Variants in AFF3 observed in about 807,000 individuals in gnomAD.
AFF3 encodes the protein AF4/FMR2 family member 3.
A neutral mutation model predicts 129.7 loss-of-function variants in AFF3; 32 were observed. The observed-to-expected ratio is 0.25, with a 90% confidence interval of 0.19 to 0.33. The LOEUF (loss-of-function observed/expected upper bound fraction) is 0.33, where lower values mean the gene tolerates loss of function less well. Ranked by LOEUF, AFF3 falls within the 10% of genes least tolerant of loss-of-function variation. The pLI is 1.00. For synonymous variants in AFF3, 644 were observed against 635.4 expected (o/e 1.01, Z -0.20); for missense variants, 1,373 against 1,592.0 (o/e 0.86, Z 2.34).
At chr2:99,555,732 A>G (rs1208912301) in intron 22 of AFF3, among the ~76,000 whole-genome samples, 1 of 152,150 alleles carries the variant, frequency 6.6e-6, no homozygotes, top group East Asian at 1.9e-4. Context: ...TCCAGAGACA[A>G]CATGTTTCTT....
intron 7 of AFF3, among the ~76,000 whole-genome samples, chr2:99,893,160 C>T (rs1289947002): frequency 3.3e-5 from 5 of 152,166 alleles, no homozygotes; most frequent in Non-Finnish European, 7.3e-5. Flanking sequence ...GTCTTTGTTA[C>T]CCATGGCAGG....
At chr2:99,719,363 TA>T (rs2104934711) in intron 11 of AFF3, among the ~76,000 whole-genome samples, 1 of 152,326 alleles carries the variant, frequency 6.6e-6, no homozygotes, top group East Asian at 1.9e-4. Flanking sequence ...ATGTTGTGAA[TA>T]ATTTTTGCAT....
At chr2:99,646,062 T>C (rs1360714427) in intron 13 of AFF3, among the ~76,000 whole-genome samples, 2 of 152,228 alleles carry the variant, frequency 1.3e-5, no homozygotes, top group Admixed American at 6.5e-5. Context: ...GGCTTCCTTA[T>C]AGGGAAACAG....
At position 99,718,987 on chromosome 2, in the gene AFF3, A is replaced by G. The variant is rs375298420; in HGVS notation, c.1091+8090T>C. 4.0e-3 allele frequency among the ~76,000 whole-genome samples: 601 copies of G among 149,246 alleles called. 5 individuals are homozygous for G. Among genetic ancestry groups the G allele is most frequent in the African/African-American group, 0.013 (519 of 40,456 alleles). ...AGGATGGTCTTGATCTCCTGACCTCATGATCCACCCGCCTTGGCCTCCCAA... is the reference window on the plus strand; with the variant it reads ...AGGATGGTCTTGATCTCCTGACCTCGTGATCCACCCGCCTTGGCCTCCCAA... On this transcript the variant is annotated intron_variant, in intron 11 of 24. Transcript: ENST00000672756.
chr2:99,795,195 G>A (rs1243429233), intron 8 of AFF3, among the ~76,000 whole-genome samples: 2 of 152,058 alleles, frequency 1.3e-5, no homozygotes, highest in Non-Finnish European at 2.9e-5. Flanking sequence ...ACACACCATG[G>A]AACACTACTC....
At position 99,593,972 on chromosome 2, in the gene AFF3, C is replaced by T. The variant is rs150835223; in HGVS notation, c.1689G>A (p.Pro563=). 1.2e-3 allele frequency: 1,808 copies of T among 1,487,850 alleles called. 23 individuals are homozygous for T. In the African/African-American group the frequency reaches 0.023, roughly 19 times the overall value. The allele number at this position is 1,487,850 out of a possible 1,614,324, so 92.2% of individuals were successfully genotyped here. The change falls in exon 15 of 25, where the codon CCG becomes CCA. Residue 563 remains proline, a synonymous_variant. Coordinates refer to ENST00000672756, the MANE Select transcript of AFF3 (RefSeq NM_001386135.1). ...AVAVAVSAAA[P]PPAVPCAPAE... ...CGGGCGCACAGGGCACTGCGGGTGG[C>T]GGGGCGGCTGCGCTCACCGCCACGG...
Position 99,649,735 on chromosome 2 carries a change from C to T in AFF3, c.1144-69G>A. The T allele has an allele frequency of 2.7e-5, 42 of 1,570,638 alleles. No individual in the cohort carries two copies. The South Asian group carries it at 4.6e-4, about 17-fold the overall frequency. The stretch of plus-strand genomic sequence containing the variant: ...TTTTGAATTACGTGCTCAATGAACA[C>T]TTAAAAAAAAGACCCCTGCATTACA... On this transcript the variant is annotated intron_variant, in intron 12 of 24. Coordinates refer to ENST00000672756, the MANE Select transcript of AFF3 (RefSeq NM_001386135.1).
At chr2:99,833,380 A>G (rs1172944839) in intron 8 of AFF3, among the ~76,000 whole-genome samples, 2 of 152,224 alleles carry the variant, frequency 1.3e-5, no homozygotes, top group Non-Finnish European at 1.5e-5. Flanking sequence ...CTTCAGATAA[A>G]CAGAAAATGC....
intron 7 of AFF3, among the ~76,000 whole-genome samples, chr2:99,912,191 T>G (rs948734161): frequency 1.3e-5 from 2 of 152,212 alleles, no homozygotes; most frequent in Non-Finnish European, 2.9e-5. Context: ...ACTGTCCTAT[T>G]TATTAACATA....
intron 7 of AFF3, among the ~76,000 whole-genome samples, chr2:99,867,686 C>G (rs1452321598): frequency 1.3e-5 from 2 of 151,934 alleles, no homozygotes. Flanking sequence ...TTGCTAATGT[C>G]TTGTTCTTTC....
chr2:99,843,566 G>T (rs1251617171), intron 7 of AFF3, among the ~76,000 whole-genome samples: 8 of 152,128 alleles, frequency 5.3e-5, no homozygotes, highest in Non-Finnish European at 1.0e-4. Context: ...ACAGACAAAG[G>T]ATACAAAAGC....
chr2:100,027,506 A>T (rs577764928), intron 4 of AFF3, among the ~76,000 whole-genome samples: 1 of 152,312 alleles, frequency 6.6e-6, no homozygotes, highest in African/African-American at 2.4e-5. Flanking sequence ...GGAACTGCCA[A>T]GGCCTTCCAG....
intron 12 of AFF3, among the ~76,000 whole-genome samples, chr2:99,668,466 C>T (rs6712722): frequency 1.1e-4 from 17 of 151,496 alleles, no homozygotes; most frequent in Non-Finnish European, 2.1e-4. Flanking sequence ...CACCACACCC[C>T]GCCGGGAAAT....
Position 99,578,557 on chromosome 2 carries a change from T to G in AFF3, c.2794-106A>C. The G allele has an allele frequency of 2.0e-6, 3 of 1,489,926 alleles. No homozygotes were observed. In the East Asian group the frequency reaches 7.3e-5, roughly 36 times the overall value. 92.3% of individuals were successfully genotyped at this position (1,489,926 alleles called of 1,614,324 possible). A position where few individuals can be genotyped will look rare whatever the true frequency, so the allele number is the denominator to read the frequency against. On this transcript the variant is annotated intron_variant, in intron 17 of 24. Transcript: ENST00000672756. ...AATATCTTTGGCTCTACAGAACATCTTTGTGTGCTGTATTAGAATTGATGG... is the reference window on the plus strand; with the variant it reads ...AATATCTTTGGCTCTACAGAACATCGTTGTGTGCTGTATTAGAATTGATGG...
intron 4 of AFF3, among the ~76,000 whole-genome samples, chr2:100,024,039 T>A (rs1407950926): frequency 2.0e-5 from 3 of 150,590 alleles, no homozygotes; most frequent in Non-Finnish European, 4.4e-5. Context: ...GAGACCATCC[T>A]GGCTAACACG....
chr2:100,036,047 A>G (rs999854454), intron 4 of AFF3, among the ~76,000 whole-genome samples: 2 of 151,214 alleles, frequency 1.3e-5, no homozygotes, highest in Non-Finnish European at 2.9e-5. Context: ...TCTTGGCTTA[A>G]AAGGGTGTTC....
chr2:100,031,484 G>T (rs1243552114), intron 4 of AFF3, among the ~76,000 whole-genome samples: 2 of 152,090 alleles, frequency 1.3e-5, no homozygotes, highest in African/African-American at 2.4e-5. Context: ...GTATTTCCTT[G>T]CCCTGTAGCT....
chr2:100,061,855 G>GGA (rs67048818), intron 4 of AFF3, among the ~76,000 whole-genome samples: 30 of 117,936 alleles, frequency 2.5e-4, no homozygotes, highest in Admixed American at 1.1e-3. Context: ...GTAGCACAGT[G>GGA]GAGGGGGGGG....
intron 4 of AFF3, among the ~76,000 whole-genome samples, chr2:100,065,841 T>G (rs977234311): frequency 3.9e-5 from 6 of 152,230 alleles, no homozygotes; most frequent in Non-Finnish European, 5.9e-5. Flanking sequence ...TTTGGTCTTT[T>G]ATGTCACTTA....
Sources: allele counts gnomAD v4.1 joint callset (sites outside exome capture counted in the v4.1 genomes callset), GRCh38; gene constraint gnomAD v4.1.1; transcripts MANE v1.5; gene names NCBI Gene and HGNC (gene_info 2026-07-23, HGNC 2026-07-21).